KHDC4: variants seen among roughly 807,000 people sequenced by gnomAD.
KHDC4 encodes KH homology domain-containing protein 4.
Under a neutral mutation model 74.5 loss-of-function variants are expected in KHDC4, and 19 were observed. The observed-to-expected ratio is 0.26, with a 90% CI of 0.18 to 0.37. KHDC4 has a LOEUF of 0.37. KHDC4 is among the 10% of genes least tolerant of loss of function. The pLI, the probability that KHDC4 is intolerant of heterozygous loss-of-function variation, is 1.00. For synonymous variants in KHDC4, 253 were observed against 266.1 expected, an observed-to-expected ratio of 0.95 and a Z score of 0.48; for missense variants, 632 against 754.1, an observed-to-expected ratio of 0.84 and a Z score of 1.90.
chr1:155,921,346 A>G (rs1673858615), intron 10 of KHDC4, 29 bp downstream of exon 10: 1 of 1,609,004 alleles, frequency 6.2e-7, no homozygotes, highest in Non-Finnish European at 8.5e-7. Context: ...AAATTCAGTA[A>G]TATGTTGTTG....
At chr1:155,914,594 G>T in intron 13 of KHDC4, 1 of 380,708 alleles carries the variant, frequency 2.6e-6, no homozygotes. Context: ...AGGAAAGTTA[G>T]CAAGTGAGTC....
Position 155,914,049 on chromosome 1 carries a change from T to G in KHDC4, c.*72A>C. 2 of 1,305,390 alleles carry G rather than the reference T, an allele frequency of 1.5e-6. No individual in the cohort carries two copies. Among genetic ancestry groups the G allele is most frequent in the Non-Finnish European group, 1.1e-6 (1 of 900,914 alleles). The allele number at this position is 1,305,390 out of a possible 1,614,324, so 80.9% of individuals were successfully genotyped here. ...ATGGTTCCCAGCACAGGCCCCAGAG[T>G]CTTGTTAAATCAAATGCATGCATTA... On this transcript the variant is annotated 3_prime_UTR_variant, in exon 14 of 14. Transcript: ENST00000368321.
At chr1:155,925,879 AT>A (rs1673980059) in intron 6 of KHDC4, 36 bp from the exon 7 acceptor site, 1 of 1,436,472 alleles carries the variant, frequency 7.0e-7, no homozygotes, top group African/African-American at 1.4e-5. Context: ...ATTAAACAGA[AT>A]ATATAATTAA....
chr1:155,921,249 C>G (rs1238704748), intron 10 of KHDC4, 126 bp downstream of exon 10: 7 of 1,125,744 alleles, frequency 6.2e-6, no homozygotes, highest in South Asian at 1.4e-5. Flanking sequence ...GTGGTAGGAA[C>G]ACAGAAGACA....
chr1:155,917,235 A>G (rs953080542), intron 11 of KHDC4, among the ~76,000 whole-genome samples: 5 of 152,108 alleles, frequency 3.3e-5, no homozygotes, highest in Admixed American at 3.3e-4. Context: ...GGTGGAGGGT[A>G]AAAGAGAGAG....
chr1:155,927,186 C>A, intron 4 of KHDC4, 30 bp from the exon 5 acceptor site: 1 of 1,599,922 alleles, frequency 6.3e-7, no homozygotes, highest in South Asian at 1.1e-5. Context: ...AGGATGATCT[C>A]AATGTGGTCA....
Position 155,918,671 on chromosome 1 carries a change from A to C in KHDC4, c.1267-999T>G, listed in dbSNP as rs922677857. Among the ~76,000 whole-genome samples the C allele has an allele frequency of 3.9e-5, 6 of 152,168 alleles. No individual in the cohort carries two copies. In the South Asian group the frequency reaches 1.2e-3, roughly 31 times the overall value. On this transcript the variant is annotated intron_variant, in intron 10 of 13. Coordinates refer to ENST00000368321, the MANE Select transcript of KHDC4 (RefSeq NM_014949.4). ...ACAATGGTAAGTATTTGTGTATCTA[A>C]ATGTAGAAAAGGTACAGTAAAAATA... is the stretch of plus-strand genomic sequence containing the variant.
At position 155,922,168 on chromosome 1, in the gene KHDC4, G is replaced by A. The variant is rs1292424685; in HGVS notation, c.955-250C>T. Among the ~76,000 whole-genome samples, 4 of 108,650 alleles carry A rather than the reference G, an allele frequency of 3.7e-5. No homozygotes were observed. The South Asian group carries it at 1.2e-3, about 33-fold the overall frequency. 71.3% of individuals were successfully genotyped at this position (108,650 alleles called of 152,430 possible). On this transcript the variant is annotated intron_variant, in intron 8 of 13. Coordinates refer to ENST00000368321, the MANE Select transcript of KHDC4 (RefSeq NM_014949.4). ...ATCTTTTTTTTTTTTTTTTTTTTGA[G>A]ACAGTCTCACTCTGTCACCCAGGGT...
chr1:155,922,145 CTTTT>C (rs4020748), intron 8 of KHDC4: 17,687 of 185,748 alleles, frequency 0.095, 9 homozygotes, highest in South Asian at 0.15. Context: ...CACTGCAAAT[CTTTT>C]TTTTTTTTTT....
In KHDC4 at chr1:155,934,316, C is replaced by T. The variant is rs1457454784; in HGVS notation, c.38+20G>A. 6.2e-7 allele frequency: 1 copy of T among 1,607,340 alleles called. No homozygotes were observed. The highest frequency in any genetic ancestry group is 2.2e-5 in the East Asian group (1 of 44,790). ...TGCGCCCCAGTGCTCGCTCCGATGC[C>T]CTCGCCCCTGAAGCCGTACCCGCCA... On this transcript the variant is annotated intron_variant, in intron 1 of 13. Transcript: ENST00000368321.
rs1673683974 is a variant in KHDC4 at position 155,914,230 on chromosome 1, C to T, written c.1736G>A (p.Gly579Glu). 1 of 1,613,900 alleles carries T rather than the reference C, an allele frequency of 6.2e-7. No individual in the cohort carries two copies. Among genetic ancestry groups the T allele is most frequent in the Non-Finnish European group, 8.5e-7 (1 of 1,179,934 alleles). ...ADSSDEEEEHGGHKNASSFPQ... is the reference protein window; with the variant it reads ...ADSSDEEEEHEGHKNASSFPQ... Reference sequence around the variant, plus strand: ...AAAACTACTTGCATTTTTATGACCTCCATGTTCCTCCTCTTCATCAGATGA... The same window carrying T: ...AAAACTACTTGCATTTTTATGACCTTCATGTTCCTCCTCTTCATCAGATGA... The change falls in exon 14 of 14, where the codon GGA becomes GAA. Residue 579 changes from glycine to glutamate, a missense_variant. Around this residue, in one of 4 missense-constraint regions of KHDC4, gnomAD observed 41 missense variants for 66.0 expected, o/e 0.62. Transcript: ENST00000368321.
chr1:155,923,137 G>A (rs907532583), intron 8 of KHDC4, among the ~76,000 whole-genome samples: 5 of 151,362 alleles, frequency 3.3e-5, no homozygotes, highest in African/African-American at 9.7e-5. Context: ...CCCGGGAGGC[G>A]GAGCTTGCAG....
chr1:155,929,247 G>A (rs1180028599), intron 4 of KHDC4, 49 bp downstream of exon 4: 8 of 1,290,692 alleles, frequency 6.2e-6, no homozygotes, highest in African/African-American at 2.9e-5. Context: ...TGAGGCTAAC[G>A]TGAGTCATAC....
chr1:155,929,430 CAG>C, intron 3 of KHDC4, 55 bp from the exon 4 acceptor site: 2 of 1,384,224 alleles, frequency 1.4e-6, no homozygotes, highest in Non-Finnish European at 1.0e-6. Context: ...ATTTCAATGG[CAG>C]ACAGATTTTC....
At chr1:155,922,987 C>T (rs1326166306) in intron 8 of KHDC4, among the ~76,000 whole-genome samples, 4 of 152,036 alleles carry the variant, frequency 2.6e-5, no homozygotes, top group Non-Finnish European at 4.4e-5. Context: ...AGGCGGATCA[C>T]GAGGTCAGGA....
intron 10 of KHDC4, among the ~76,000 whole-genome samples, chr1:155,918,971 GTTT>G (rs66693073): frequency 3.4e-4 from 37 of 107,450 alleles, no homozygotes; most frequent in African/African-American, 1.2e-3. Flanking sequence ...CTAACTCCCA[GTTT>G]TTTTTTTTTT....
intron 4 of KHDC4, among the ~76,000 whole-genome samples, chr1:155,928,395 T>C (rs921045359): frequency 6.6e-6 from 1 of 151,982 alleles, no homozygotes; most frequent in Non-Finnish European, 1.5e-5. Context: ...AATAAATAAA[T>C]AAATTCTTGG....
chr1:155,914,530 T>A, intron 13 of KHDC4: 1 of 431,134 alleles, frequency 2.3e-6, no homozygotes, highest in South Asian at 5.9e-5. Context: ...CAGAACCATG[T>A]AAGAAAACAG....
In KHDC4 at chr1:155,923,704, A is replaced by G; in HGVS notation, c.894-17T>C. ...TTGGGGTGACTGCAAAGAAATAACC[A>G]GGAATTCAAAGGAGAGAAAAATAAA... On this transcript the variant is annotated splice_polypyrimidine_tract_variant and intron_variant, in intron 7 of 13. Transcript: ENST00000368321. The G allele has an allele frequency of 6.3e-7, 1 of 1,585,190 alleles. No homozygotes were observed. Among genetic ancestry groups the G allele is most frequent in the South Asian group, 1.1e-5 (1 of 89,870 alleles).
Sources: allele counts gnomAD v4.1 joint callset (sites outside exome capture counted in the v4.1 genomes callset), GRCh38; gene constraint gnomAD v4.1.1; regional missense constraint gnomAD v4.1.1; transcripts MANE v1.5; gene names NCBI Gene and HGNC (gene_info 2026-07-23, HGNC 2026-07-21).